Variants in SYT16 observed in about 807,000 individuals in gnomAD.
The protein encoded by SYT16 is synaptotagmin 16, also known as synaptotagmin-16.
SYT16 carries 42 observed loss-of-function variants against 61.4 expected under a neutral mutation model. The ratio of observed to expected loss-of-function variants is 0.68; its 90% CI spans 0.53 to 0.89. The LOEUF (loss-of-function observed/expected upper bound fraction) is 0.89. SYT16 is among the 40% of genes least tolerant of loss of function. The pLI is 0.00. For synonymous variants in SYT16, 314 were observed against 302.3 expected (o/e 1.04, Z -0.40); for missense variants, 804 against 807.3 (o/e 1.00, Z 0.05).
chr14:61,877,124 G>A (rs766708799), intron 1 of SYT16, among the ~76,000 whole-genome samples: 5 of 152,108 alleles, frequency 3.3e-5, no homozygotes, highest in Non-Finnish European at 7.4e-5. Context: ...CTGGGGAGGC[G>A]GGTGGGAGAT....
At chr14:61,954,209 A>G (rs1221593893) in intron 1 of SYT16, among the ~76,000 whole-genome samples, 1 of 151,952 alleles carries the variant, frequency 6.6e-6, no homozygotes, top group Non-Finnish European at 1.5e-5. Flanking sequence ...TTGCTCAGTT[A>G]TCTGGTTCCC....
intron 1 of SYT16, among the ~76,000 whole-genome samples, chr14:61,876,261 GT>G (rs1259365946): frequency 1.3e-5 from 2 of 152,200 alleles, no homozygotes; most frequent in African/African-American, 2.4e-5. Flanking sequence ...CTTGTTTCAG[GT>G]TGCATTTAAC....
intron 3 of SYT16, among the ~76,000 whole-genome samples, chr14:62,014,085 C>T (rs1428261366): frequency 1.3e-5 from 2 of 152,144 alleles, no homozygotes; most frequent in Non-Finnish European, 1.5e-5. Context: ...CATTCACCTT[C>T]CTTTGCCCGT....
chr14:61,825,287 A>T (rs2045739024), intron 1 of SYT16, among the ~76,000 whole-genome samples: 1 of 152,238 alleles, frequency 6.6e-6, no homozygotes, highest in South Asian at 2.1e-4. Flanking sequence ...TTGTAGATGT[A>T]GTAAGTCTTC....
At chr14:62,016,889 C>T (rs368912403) in intron 3 of SYT16, among the ~76,000 whole-genome samples, 11 of 152,166 alleles carry the variant, frequency 7.2e-5, no homozygotes, top group South Asian at 4.2e-4. Flanking sequence ...GAACAGGGAC[C>T]CCATATTATT....
At chr14:61,906,924 C>T (rs1186456917) in intron 1 of SYT16, among the ~76,000 whole-genome samples, 1 of 152,218 alleles carries the variant, frequency 6.6e-6, no homozygotes, top group East Asian at 1.9e-4. Context: ...TTGTGTCTCA[C>T]AGAGCTCACA....
chr14:62,079,803 C>T (rs370313795), intron 5 of SYT16, among the ~76,000 whole-genome samples: 4 of 152,134 alleles, frequency 2.6e-5, no homozygotes, highest in African/African-American at 9.7e-5. Flanking sequence ...ATAATAAATG[C>T]AGCCTAGCTC....
intron 1 of SYT16, among the ~76,000 whole-genome samples, chr14:61,928,876 G>A (rs573308433): frequency 6.6e-6 from 1 of 152,268 alleles, no homozygotes; most frequent in Admixed American, 6.5e-5. Flanking sequence ...ACGTCCCAAA[G>A]CACCATCTCC....
intron 1 of SYT16, among the ~76,000 whole-genome samples, chr14:61,916,560 C>T (rs762669323): frequency 1.6e-4 from 24 of 152,058 alleles, no homozygotes; most frequent in Non-Finnish European, 2.5e-4. Context: ...TATCTATCAC[C>T]TCAAACATTT....
intron 1 of SYT16, among the ~76,000 whole-genome samples, chr14:61,873,602 A>G (rs1296153190): frequency 2.6e-5 from 4 of 152,216 alleles, no homozygotes; most frequent in Non-Finnish European, 2.9e-5. Flanking sequence ...TTAAAAAATC[A>G]TTTTCTCACA....
chr14:61,984,422 A>G (rs1474403207), intron 2 of SYT16, among the ~76,000 whole-genome samples: 1 of 152,078 alleles, frequency 6.6e-6, no homozygotes, highest in Admixed American at 6.6e-5. Context: ...GTGAAATGTC[A>G]TTTTCCTATC....
intron 1 of SYT16, among the ~76,000 whole-genome samples, chr14:61,851,975 CCAATGCCTATATCCTGAATT>C (rs2046633848): frequency 6.6e-6 from 1 of 152,136 alleles, no homozygotes; most frequent in Non-Finnish European, 1.5e-5. Flanking sequence ...GAAATCTTTG[CCAATGCCTATATCCTGAATT>C]CAATGCCTAT....
At chr14:62,083,781 G>A (rs80283120) in intron 6 of SYT16, among the ~76,000 whole-genome samples, 5,637 of 152,196 alleles carry the variant, frequency 0.037, 201 homozygotes, top group East Asian at 0.16. Context: ...ATTCATCAAG[G>A]AGCTGCAGAG....
intron 2 of SYT16, among the ~76,000 whole-genome samples, chr14:61,970,932 G>C (rs1366803832): frequency 2.9e-5 from 3 of 104,096 alleles, no homozygotes; most frequent in African/African-American, 1.4e-4. Context: ...CGATAACTTT[G>C]CTGTTTTTTT....
chr14:61,821,348 A>T (rs1318166129), intron 1 of SYT16, among the ~76,000 whole-genome samples: 1 of 152,146 alleles, frequency 6.6e-6, no homozygotes, highest in Non-Finnish European at 1.5e-5. Flanking sequence ...TATATTTGTT[A>T]TCTATTGCTG....
rs138040319 is a variant in SYT16 at position 62,067,926 on chromosome 14, C to T, written c.524-1677C>T. On this transcript the variant is annotated intron_variant, in intron 3 of 7. Transcript: ENST00000683842. ...GCTTGAACCTAGGAGACAGAGGTTG[C>T]AGTGAGCTGAGATTGTGGCACTGCA... Among the ~76,000 whole-genome samples, 182 of 152,276 alleles carry T rather than the reference C, an allele frequency of 1.2e-3. 2 individuals are homozygous for T. In the East Asian group the frequency reaches 0.033, roughly 27 times the overall value.
At chr14:62,025,174 T>C (rs551695714) in intron 3 of SYT16, among the ~76,000 whole-genome samples, 2 of 152,272 alleles carry the variant, frequency 1.3e-5, no homozygotes, top group Admixed American at 1.3e-4. Flanking sequence ...TAGTGAAATC[T>C]TAGTTTTGTA....
chr14:62,024,973 C>T (rs114090168), intron 3 of SYT16, among the ~76,000 whole-genome samples: 9,599 of 151,944 alleles, frequency 0.063, 532 homozygotes, highest in African/African-American at 0.16. Context: ...TAGCTAATTT[C>T]TTTTCAGGGC....
In SYT16 at chr14:62,095,917, T is replaced by C. The variant is rs150431281; in HGVS notation, c.1625-4477T>C. On this transcript the variant is annotated intron_variant, in intron 7 of 7. Transcript: ENST00000683842. ...ATATCAAGACATGTTATAAAATGAT[T>C]ATAATAAATATTGTCAGACTTAGGG... Among the ~76,000 whole-genome samples, 327 of 152,152 alleles carry C rather than the reference T, an allele frequency of 2.1e-3. 3 individuals carry two copies. The highest frequency in any genetic ancestry group is 7.5e-3 in the African/African-American group (311 of 41,552).
Sources: gnomAD v4.1 joint callset for allele counts (sites outside exome capture counted in the v4.1 genomes callset) on GRCh38, gnomAD v4.1.1 for gene constraint, MANE v1.5 for transcripts, NCBI Gene and HGNC (gene_info 2026-07-23, HGNC 2026-07-21) for gene names.